The following TRPA1 variants were observed in gnomAD, a reference collection of about 807,000 sequenced individuals.
TRPA1 encodes the protein ankyrin-like with transmembrane domains 1.
TRPA1 carries 129 observed loss-of-function variants against 131.3 expected under a neutral mutation model. The observed-to-expected ratio is 0.98, with a 90% CI of 0.85 to 1.14. TRPA1 has a LOEUF of 1.14. Ranked by LOEUF, TRPA1 falls within the 50% of genes most tolerant of loss-of-function variation. The pLI, the probability that TRPA1 is intolerant of heterozygous loss-of-function variation, is 0.00. For missense variants in TRPA1, 1,304 were observed against 1,354.2 expected (o/e 0.96, Z 0.58); for synonymous variants, 441 against 451.7 (o/e 0.98, Z 0.30).
intron 20 of TRPA1, 135 bp from the exon 21 acceptor site, chr8:72,036,592 C>T: frequency 1.3e-6 from 1 of 769,200 alleles, no homozygotes; most frequent in South Asian, 1.8e-5. Context: ...AAGGAGTAAC[C>T]TCACGCCATC....
chr8:72,029,703 G>A (rs1811739146), intron 24 of TRPA1, 198 bp downstream of exon 24: 3 of 666,112 alleles, frequency 4.5e-6, no homozygotes, highest in Admixed American at 2.2e-5. Flanking sequence ...TGGGATGCCG[G>A]GCAGTGGCAG....
chr8:72,053,380 T>C, intron 13 of TRPA1: 1 of 303,662 alleles, frequency 3.3e-6, no homozygotes, highest in South Asian at 3.5e-5. Flanking sequence ...AAAGACATAA[T>C]AGCACAATAA....
At position 72,038,944 on chromosome 8, in the gene TRPA1, T is replaced by C. The variant is rs745346410; in HGVS notation, c.2216A>G (p.Asn739Ser). The C allele has an allele frequency of 8.1e-6, 13 of 1,613,040 alleles. No individual in the cohort carries two copies. Among genetic ancestry groups the C allele is most frequent in the African/African-American group, 6.7e-5 (5 of 74,868 alleles). ...GLIPMTILVVNIKPGMAFNST... is the reference protein window; with the variant it reads ...GLIPMTILVVSIKPGMAFNST... Reference sequence around the variant, plus strand: ...GTTGAAAGCCATTCCTGGTTTTATATTGACAACGAGAATGGTCATAGGTAT... The same window carrying C: ...GTTGAAAGCCATTCCTGGTTTTATACTGACAACGAGAATGGTCATAGGTAT... The change falls in exon 19 of 27, where the codon AAT becomes AGT. Residue 739 changes from asparagine to serine, a missense_variant. Asn to Ser is a conservative substitution (Grantham distance 46). Coordinates refer to ENST00000262209, the MANE Select transcript of TRPA1 (RefSeq NM_007332.3).
intron 15 of TRPA1, 106 bp from the exon 16 acceptor site, chr8:72,047,313 C>T (rs1221753908): frequency 1.2e-5 from 10 of 826,558 alleles, no homozygotes; most frequent in African/African-American, 1.7e-5. Context: ...CTTTCCTTTC[C>T]TTGGTTTCTT....
At chr8:72,031,008 G>A (rs954202510) in intron 23 of TRPA1, among the ~76,000 whole-genome samples, 2 of 152,308 alleles carry the variant, frequency 1.3e-5, no homozygotes, top group Admixed American at 1.3e-4. Flanking sequence ...TGCTCTTGGG[G>A]AGCTCAAAGT....
At position 72,023,886 on chromosome 8, in the gene TRPA1, G is replaced by T; in HGVS notation, c.3077C>A (p.Thr1026Asn). ...LFHIFCFLFC[T>N]GEIRQEIPNA... is the part of the protein sequence containing the mutation. ...TGGTATTTCTTGTCTTATTTCCCCA[G>T]TGCAAAATAAAAAACAGAATATATG... The change falls in exon 26 of 27, where the codon ACT becomes AAT. Residue 1026 changes from threonine (T) to asparagine (N), a missense_variant. Transcript: ENST00000262209. The T allele has an allele frequency of 6.3e-7, 1 of 1,593,700 alleles. No homozygotes were observed. The highest frequency in any genetic ancestry group is 8.6e-7 in the Non-Finnish European group (1 of 1,162,150).
At chr8:72,065,679 CT>C in intron 3 of TRPA1, 121 bp from the exon 4 acceptor site, 1 of 740,868 alleles carries the variant, frequency 1.3e-6, no homozygotes, top group Non-Finnish European at 2.4e-6. Context: ...TTTATTCATC[CT>C]TCTCTCACAC....
At chr8:72,084,549 A>G in the TRPA1 span, among the ~76,000 whole-genome samples, 1 of 151,554 alleles carries the variant, frequency 6.6e-6, no homozygotes, top group Non-Finnish European at 1.5e-5. Flanking sequence ...TTTCATGTGA[A>G]ATTATTTGAG....
chr8:72,029,264 A>G (rs1373688654), intron 24 of TRPA1, among the ~76,000 whole-genome samples: 1 of 152,200 alleles, frequency 6.6e-6, no homozygotes, highest in Non-Finnish European at 1.5e-5. Flanking sequence ...GCTCCTTTGA[A>G]CAGCGGGGCT....
intron 12 of TRPA1, 54 bp from the exon 13 acceptor site, chr8:72,053,921 G>A (rs764797043): frequency 1.5e-6 from 2 of 1,336,512 alleles, no homozygotes; most frequent in South Asian, 1.2e-5. Flanking sequence ...TGAAATGCGG[G>A]ATGGGATGCC....
Position 72,038,937 on chromosome 8 carries a change from T to C in TRPA1, c.2223A>G (p.Lys741=), listed in dbSNP as rs1361862831. Residue 741 remains lysine, a synonymous_variant, in exon 19 of 27, where the codon AAA becomes AAG. Transcript: ENST00000262209. The stretch of plus-strand genomic sequence containing the variant: ...CAGTTGAGTTGAAAGCCATTCCTGG[T>C]TTTATATTGACAACGAGAATGGTCA... ...IPMTILVVNI[K]PGMAFNSTGI... 6 of 1,613,040 alleles carry C rather than the reference T, an allele frequency of 3.7e-6. No homozygotes were observed. The highest frequency in any genetic ancestry group is 1.7e-4 in the Middle Eastern group (1 of 6,044).
intron 18 of TRPA1, 24 bp downstream of exon 18, chr8:72,039,703 C>T (rs200492386): frequency 1.6e-5 from 23 of 1,476,352 alleles, no homozygotes; most frequent in African/African-American, 1.4e-5. Flanking sequence ...CAGCATTAAA[C>T]AAGAAATACT....
chr8:72,085,959 G>A, the TRPA1 span, among the ~76,000 whole-genome samples: 1 of 152,126 alleles, frequency 6.6e-6, no homozygotes, highest in Non-Finnish European at 1.5e-5. Context: ...GGAGTGCAAT[G>A]GTGTGATCTT....
At chr8:72,079,946 T>C (rs1183738505), upstream of TRPA1, among the ~76,000 whole-genome samples, 1 of 151,978 alleles carries the variant, frequency 6.6e-6, no homozygotes, top group African/African-American at 2.4e-5. Context: ...TTTCTTAATT[T>C]TACCATCAGA....
At chr8:72,075,894 G>A (rs905933246), upstream of TRPA1, among the ~76,000 whole-genome samples, 175 of 131,362 alleles carry the variant, frequency 1.3e-3, no homozygotes, top group African/African-American at 4.0e-3. Flanking sequence ...GTGTGTGTGT[G>A]TGTGTGTGTG....
At chr8:72,061,844 C>T in intron 6 of TRPA1, 83 bp from the exon 7 acceptor site, 2 of 1,432,614 alleles carry the variant, frequency 1.4e-6, no homozygotes, top group Non-Finnish European at 9.7e-7. Flanking sequence ...GCTTTTTCTT[C>T]CCAGGTTCAT....
intron 17 of TRPA1, among the ~76,000 whole-genome samples, chr8:72,046,224 T>C (rs111705796): frequency 2.6e-5 from 4 of 152,066 alleles, no homozygotes; most frequent in Non-Finnish European, 5.9e-5. Flanking sequence ...AAAGGATTGC[T>C]TTCTTTATTA....
At chr8:72,061,055 T>C (rs374768496) in intron 7 of TRPA1, among the ~76,000 whole-genome samples, 1 of 152,180 alleles carries the variant, frequency 6.6e-6, no homozygotes, top group Admixed American at 6.5e-5. Context: ...TCCAAAAGAA[T>C]TGAATTTCCA....
At chr8:72,041,652 A>C (rs1014956437) in intron 17 of TRPA1, among the ~76,000 whole-genome samples, 2 of 151,978 alleles carry the variant, frequency 1.3e-5, no homozygotes, top group Non-Finnish European at 2.9e-5. Context: ...TTTAAAGTAC[A>C]TCTGGAAACA....
Sources: allele counts gnomAD v4.1 joint callset (sites outside exome capture counted in the v4.1 genomes callset), GRCh38; gene constraint gnomAD v4.1.1; transcripts MANE v1.5; gene names NCBI Gene and HGNC (gene_info 2026-07-23, HGNC 2026-07-21).